Variants in MINAR2 observed in about 807,000 individuals in gnomAD.
MINAR2 encodes membrane integral NOTCH2 associated receptor 2.
A neutral mutation model predicts 16.1 loss-of-function variants in MINAR2; 21 were observed. The observed-to-expected ratio is 1.31, with a 90% CI of 0.93 to 1.88. The LOEUF (loss-of-function observed/expected upper bound fraction) is 1.88. Among genes scored for constraint, MINAR2 ranks in the 40% most tolerant of loss-of-function variants. The pLI, the probability that MINAR2 is intolerant of heterozygous loss-of-function variation, is 0.00. For missense variants in MINAR2, 259 were observed against 229.8 expected, an observed-to-expected ratio of 1.13 and a Z score of -0.82; for synonymous variants, 86 against 83.0, an observed-to-expected ratio of 1.04 and a Z score of -0.20.
intron 1 of MINAR2, among the ~76,000 whole-genome samples, chr5:129,758,183 C>T (rs1307086299): frequency 2.0e-5 from 3 of 151,832 alleles, no homozygotes; most frequent in Admixed American, 6.6e-5. Flanking sequence ...TATTTTAGTG[C>T]CCAAGTAATT....
At chr5:129,749,350 C>T (rs547496257) in intron 1 of MINAR2, among the ~76,000 whole-genome samples, 1 of 152,234 alleles carries the variant, frequency 6.6e-6, no homozygotes, top group East Asian at 1.9e-4. Flanking sequence ...TTGTGGGCTC[C>T]TTGGGACCTT....
intron 2 of MINAR2, chr5:129,762,791 G>A (rs1316283666): frequency 5.6e-6 from 1 of 177,590 alleles, no homozygotes; most frequent in Non-Finnish European, 1.3e-5. Context: ...AGGATAGGAA[G>A]GGGGCACAAA....
At chr5:129,750,789 G>A (rs2053040) in intron 1 of MINAR2, among the ~76,000 whole-genome samples, 26,556 of 152,120 alleles carry the variant, frequency 0.17, 2,520 homozygotes, top group East Asian at 0.3. Context: ...AGGGGTGAGT[G>A]TATATGTGTG....
Position 129,748,113 on chromosome 5 carries a change from TC to T in MINAR2, c.-77del. 7.3e-7 allele frequency: 1 copy of T among 1,361,790 alleles called. No individual in the cohort carries two copies. Among genetic ancestry groups the T allele is most frequent in the Non-Finnish European group, 9.9e-7 (1 of 1,005,824 alleles). The allele number at this position is 1,361,790 out of a possible 1,614,324, so 84.4% of individuals were successfully genotyped here. A position where few individuals can be genotyped will look rare whatever the true frequency, so the allele number is the denominator to read the frequency against. ...GGTTTCAGATGCAGTCAGAGCATCC[TC>T]AGGCACATTAATAATGGAGGAGTCT... On this transcript the variant is annotated 5_prime_UTR_variant, in exon 1 of 3. An upstream open reading frame in the 5' UTR loses its in-frame stop. Transcript: ENST00000564719.
chr5:129,764,942 C>T lies in MINAR2; in HGVS notation c.452C>T (p.Thr151Ile). Residue 151 changes from threonine (T) to isoleucine (I), a missense_variant, in exon 3 of 3, where the codon ACT (threonine) becomes ATT (isoleucine). Coordinates refer to ENST00000564719, the MANE Select transcript of MINAR2 (RefSeq NM_001257308.2). ...LGDMYTPGFD[T>I]LLKKEEKQEK... ...GACATGTACACTCCAGGTTTTGACA[C>T]TTTATTGAAAAAGGAAGAGAAACAA... 7.1e-7 allele frequency: 1 copy of T among 1,403,050 alleles called. No homozygotes were observed. Among genetic ancestry groups the T allele is most frequent in the Non-Finnish European group, 9.3e-7 (1 of 1,079,776 alleles). The allele number at this position is 1,403,050 out of a possible 1,614,324, so 86.9% of individuals were successfully genotyped here.
At position 129,748,202 on chromosome 5, in the gene MINAR2, T is replaced by C; in HGVS notation, c.12T>C (p.Ser4=). 2.0e-6 allele frequency: 3 copies of C among 1,535,072 alleles called. No individual in the cohort carries two copies. Among genetic ancestry groups the C allele is most frequent in the Non-Finnish European group, 2.6e-6 (3 of 1,146,468 alleles). ...AGGTGAAGGGAGACATGGATCTCTC[T>C]GTTTTGCCAAATAACAACCATCCTG... is the stretch of plus-strand genomic sequence containing the variant. MDL[S]VLPNNNHPDK... is the part of the protein sequence containing the mutation. The change falls in exon 1 of 3, where the codon TCT becomes TCC. Residue 4 remains serine (S), a synonymous_variant. Coordinates refer to ENST00000564719, the MANE Select transcript of MINAR2 (RefSeq NM_001257308.2).
At chr5:129,762,604 AC>A in intron 2 of MINAR2, 1 of 326,326 alleles carries the variant, frequency 3.1e-6, no homozygotes. Context: ...CAGCAGCAGC[AC>A]AATCAGTCAG....
chr5:129,764,590 C>A (rs1758183763), intron 2 of MINAR2, among the ~76,000 whole-genome samples: 1 of 152,184 alleles, frequency 6.6e-6, no homozygotes, highest in African/African-American at 2.4e-5. Flanking sequence ...TTCTGACCCT[C>A]TGATGTGAGC....
At chr5:129,759,814 A>C (rs1158868679) in intron 1 of MINAR2, among the ~76,000 whole-genome samples, 2 of 116,364 alleles carry the variant, frequency 1.7e-5, no homozygotes, top group South Asian at 5.9e-4. Context: ...AATCAGTATT[A>C]GAGCTATCTA....
At chr5:129,750,780 G>C (rs1171773930) in intron 1 of MINAR2, among the ~76,000 whole-genome samples, 1 of 152,176 alleles carries the variant, frequency 6.6e-6, no homozygotes, top group Admixed American at 6.6e-5. Flanking sequence ...TGTGGATGAA[G>C]GGGTGAGTGT....
At chr5:129,762,175 TA>T (rs769247059) in intron 2 of MINAR2, among the ~76,000 whole-genome samples, 78 of 145,896 alleles carry the variant, frequency 5.3e-4, no homozygotes, top group East Asian at 3.0e-3. Flanking sequence ...TAACATAAAG[TA>T]AAAAAAAAAA....
Position 129,765,007 on chromosome 5 carries a change from C to A in MINAR2, c.517C>A (p.Leu173Ile). The A allele has an allele frequency of 7.4e-7, 1 of 1,358,060 alleles. No homozygotes were observed. Among genetic ancestry groups the A allele is most frequent in the Non-Finnish European group, 9.5e-7 (1 of 1,054,978 alleles). The allele number at this position is 1,358,060 out of a possible 1,614,324, so 84.1% of individuals were successfully genotyped here. Residue 173 changes from leucine to isoleucine, a missense_variant, in exon 3 of 3, where the codon CTT (leucine) becomes ATT (isoleucine). Leu to Ile is a conservative substitution (Grantham distance 5). Transcript: ENST00000564719. ...SKFCRMGLIL[L>I]VVISILVTIV... ...ATTCTGTCGTATGGGTCTGATTTTA[C>A]TTGTCGTTATCTCCATCTTGGTTAC...
chr5:129,751,701 T>C (rs1757987012), intron 1 of MINAR2, among the ~76,000 whole-genome samples: 1 of 152,198 alleles, frequency 6.6e-6, no homozygotes, highest in Non-Finnish European at 1.5e-5. Flanking sequence ...ACAAATTTTA[T>C]GTCAGTGTAA....
chr5:129,753,302 G>T (rs1329207272), intron 1 of MINAR2, among the ~76,000 whole-genome samples: 3 of 151,256 alleles, frequency 2.0e-5, no homozygotes, highest in African/African-American at 7.3e-5. Flanking sequence ...TGGCCAACAT[G>T]GCAAAACCCC....
Position 129,765,128 on chromosome 5 carries a change from C to A in MINAR2, c.*65C>A. On this transcript the variant is annotated 3_prime_UTR_variant, in exon 3 of 3. Transcript: ENST00000564719. Reference sequence around the variant, plus strand: ...AATTTTTCTGATAAACATTTGAAACCCCCCCCACCAAAATAACAAAAAAAC... The same window carrying A: ...AATTTTTCTGATAAACATTTGAAACACCCCCCACCAAAATAACAAAAAAAC... 1.3e-6 allele frequency: 1 copy of A among 792,220 alleles called. No homozygotes were observed. The highest frequency in any genetic ancestry group is 1.6e-6 in the Non-Finnish European group (1 of 621,342). 49.1% of individuals were successfully genotyped at this position (792,220 alleles called of 1,614,324 possible). A position where few individuals can be genotyped will look rare whatever the true frequency, so the allele number is the denominator to read the frequency against.
intron 1 of MINAR2, among the ~76,000 whole-genome samples, chr5:129,749,583 TAAATG>T (rs151056379): frequency 8.5e-5 from 13 of 152,168 alleles, no homozygotes; most frequent in African/African-American, 1.4e-4. Context: ...TTTTAAGTTT[TAAATG>T]AAATGAAATG....
At chr5:129,760,780 T>C (rs1217310139) in intron 2 of MINAR2, among the ~76,000 whole-genome samples, 175 bp downstream of exon 2, 2 of 152,206 alleles carry the variant, frequency 1.3e-5, no homozygotes, top group Non-Finnish European at 2.9e-5. Flanking sequence ...TTTGTGTTTA[T>C]TTGTTTTGAG....
At chr5:129,760,763 G>C (rs1258057666) in intron 2 of MINAR2, among the ~76,000 whole-genome samples, 158 bp downstream of exon 2, 1 of 152,084 alleles carries the variant, frequency 6.6e-6, no homozygotes, top group African/African-American at 2.4e-5. Flanking sequence ...CTCCCTCCTA[G>C]TCAGTATTTG....
At chr5:129,753,818 G>C (rs1017700459) in intron 1 of MINAR2, among the ~76,000 whole-genome samples, 1 of 148,600 alleles carries the variant, frequency 6.7e-6, no homozygotes, top group Admixed American at 6.8e-5. Flanking sequence ...AGGAAGGAAG[G>C]AGAAGAAGAA....
Sources: allele counts gnomAD v4.1 joint callset (sites outside exome capture counted in the v4.1 genomes callset), GRCh38; gene constraint gnomAD v4.1.1; transcripts MANE v1.5; gene names NCBI Gene and HGNC (gene_info 2026-07-23, HGNC 2026-07-21).